Variants in ATAT1 observed in about 807,000 individuals in gnomAD.
ATAT1 encodes alpha-tubulin N-acetyltransferase 1.
ATAT1 carries 42 observed loss-of-function variants against 57.2 expected under a neutral mutation model. That is an observed-to-expected ratio of 0.73 (90% CI 0.57 to 0.95). ATAT1 has a LOEUF of 0.95. Ranked by LOEUF, ATAT1 falls within the 40% of genes least tolerant of loss-of-function variation. The probability of loss-of-function intolerance (pLI) is 0.00; values close to 1 mark genes in which losing one functional copy is unlikely to be tolerated. For synonymous variants in ATAT1, 168 were observed against 187.1 expected (o/e 0.90, Z 0.83); for missense variants, 454 against 523.7 (o/e 0.87, Z 1.30).
At chr6:30,643,286 G>C in intron 10 of ATAT1, 1 of 1,419,286 alleles carries the variant, frequency 7.0e-7, no homozygotes. Flanking sequence ...CATCGAGTTG[G>C]GGGAACAGAG....
Position 30,627,138 on chromosome 6 carries a change from A to G in ATAT1, c.-66A>G. 1 of 1,606,584 alleles carries G rather than the reference A, an allele frequency of 6.2e-7. No homozygotes were observed. The highest frequency in any genetic ancestry group is 8.5e-7 in the Non-Finnish European group (1 of 1,176,330). On this transcript the variant is annotated 5_prime_UTR_variant, in exon 1 of 13. Coordinates refer to ENST00000330083, the MANE Select transcript of ATAT1 (RefSeq NM_001031722.4). ...TTTGGTGACCTCTGACCCTGGGCCT[A>G]GTGGGATTGATCAGCGCTTGGATCT...
In ATAT1 at chr6:30,642,833, G is replaced by GGGGCCCCCCC; in HGVS notation, c.754_755insGGGCCCCCCC (p.Ala252GlyfsTer51). 7 of 1,537,866 alleles carry GGGGCCCCCCC rather than the reference G, an allele frequency of 4.6e-6. No homozygotes were observed. Among genetic ancestry groups the GGGGCCCCCCC allele is most frequent in the Admixed American group, 1.9e-5 (1 of 52,406 alleles). On this transcript the variant is annotated frameshift_variant, in exon 10 of 13. Coordinates refer to ENST00000330083, the MANE Select transcript of ATAT1 (RefSeq NM_001031722.4). LOFTEE classifies it high-confidence loss of function. ...GGCCCCTCGCCGCGCCACACCTCCA[G>GGGGCCCCCCC]CCCACCCACCCCCCCGCTCCAGCAG...
intron 8 of ATAT1, chr6:30,641,807 T>G: frequency 9.5e-7 from 1 of 1,056,288 alleles, no homozygotes; most frequent in Non-Finnish European, 1.1e-6. Flanking sequence ...GGGTCCTCGT[T>G]GGCCCGGCTG....
Position 30,627,619 on chromosome 6 carries a change from C to T in ATAT1, c.133-17C>T. The T allele has an allele frequency of 6.2e-7, 1 of 1,612,254 alleles. No homozygotes were observed. The highest frequency in any genetic ancestry group is 8.5e-7 in the Non-Finnish European group (1 of 1,179,308). On this transcript the variant is annotated splice_polypyrimidine_tract_variant and intron_variant, in intron 2 of 12. Transcript: ENST00000330083. ...TCGGAGAGACTTGCAGAAAGTCTGA[C>T]TTAATCTTCCCTGCAGGCCCAGAAT... is the stretch of plus-strand genomic sequence containing the variant.
intron 10 of ATAT1, chr6:30,644,154 C>A: frequency 2.0e-6 from 2 of 985,948 alleles, no homozygotes; most frequent in Non-Finnish European, 2.4e-6. Context: ...CTCTTCATTT[C>A]CACATTTTGT....
chr6:30,643,874 C>T, intron 10 of ATAT1: 1 of 1,260,168 alleles, frequency 7.9e-7, no homozygotes, highest in Non-Finnish European at 1.0e-6. Flanking sequence ...GAGAAGCACA[C>T]TCTTGCTTGC....
At chr6:30,639,534 T>C (rs1463387382) in intron 6 of ATAT1, among the ~76,000 whole-genome samples, 1 of 151,436 alleles carries the variant, frequency 6.6e-6, no homozygotes, top group Non-Finnish European at 1.5e-5. Context: ...TGGAGTGCAG[T>C]GGCACGATCT....
chr6:30,642,833 G>GGGCGCGGGCC lies in ATAT1; in HGVS notation c.754_755insGGCGCGGGCC (p.Ala252GlyfsTer51). ...GGCCCCTCGCCGCGCCACACCTCCAGCCCACCCACCCCCCCGCTCCAGCAG... is the reference window on the plus strand; with the variant it reads ...GGCCCCTCGCCGCGCCACACCTCCAGGGCGCGGGCCCCCACCCACCCCCCCGCTCCAGCAG... On this transcript the variant is annotated frameshift_variant, in exon 10 of 13. Transcript: ENST00000330083. LOFTEE classifies it high-confidence loss of function. The GGGCGCGGGCC allele has an allele frequency of 6.5e-7, 1 of 1,537,878 alleles. No homozygotes were observed. Among genetic ancestry groups the GGGCGCGGGCC allele is most frequent in the Non-Finnish European group, 8.7e-7 (1 of 1,145,784 alleles).
chr6:30,644,046 G>A (rs1582877243), intron 10 of ATAT1: 1 of 990,538 alleles, frequency 1.0e-6, no homozygotes, highest in Non-Finnish European at 1.2e-6. Context: ...TTGAGCCTGC[G>A]AATGGCCGCT....
At chr6:30,644,385 T>C in intron 10 of ATAT1, 5 of 985,716 alleles carry the variant, frequency 5.1e-6, no homozygotes, top group Non-Finnish European at 4.8e-6. Context: ...ATTGTCGAGA[T>C]GAGATGGGGG....
At chr6:30,636,035 G>A (rs567003757) in intron 6 of ATAT1, among the ~76,000 whole-genome samples, 21 of 152,264 alleles carry the variant, frequency 1.4e-4, no homozygotes, top group Non-Finnish European at 2.2e-4. Context: ...TTGAATGGGC[G>A]GCGGGGGCGT....
In ATAT1 at chr6:30,641,736, A is replaced by G. The variant is rs1360324902; in HGVS notation, c.617-440A>G. 3 of 986,902 alleles carry G rather than the reference A, an allele frequency of 3.0e-6. No homozygotes were observed. In the African/African-American group the frequency reaches 5.3e-5, roughly 17 times the overall value. The allele number at this position is 986,902 out of a possible 1,614,324, so 61.1% of individuals were successfully genotyped here. On this transcript the variant is annotated intron_variant, in intron 8 of 12. Transcript: ENST00000330083. ...GTGCCCTCCTTCCAAACCTCCCCTG[A>G]CCTCTCCAGAGCAATTCCTGATTAA...
At chr6:30,641,642 ATTTTC>A (rs1765473185) in intron 8 of ATAT1, 2 of 414,924 alleles carry the variant, frequency 4.8e-6, no homozygotes, top group African/African-American at 4.6e-5. Context: ...GCCCATATTT[ATTTTC>A]TTTTTTTTTT....
At chr6:30,637,273 T>C (rs1258122097) in intron 6 of ATAT1, among the ~76,000 whole-genome samples, 1 of 152,214 alleles carries the variant, frequency 6.6e-6, no homozygotes, top group African/African-American at 2.4e-5. Context: ...TAAACCTATT[T>C]TGGGTTTATA....
At chr6:30,642,705 T>C in intron 9 of ATAT1, 63 bp from the exon 10 acceptor site, 1 of 1,043,752 alleles carries the variant, frequency 9.6e-7, no homozygotes, top group South Asian at 1.3e-5. Flanking sequence ...AAACCTTTGC[T>C]GTCATGACTC....
At chr6:30,640,479 G>A in intron 7 of ATAT1, 56 bp from the exon 8 acceptor site, 1 of 1,612,626 alleles carries the variant, frequency 6.2e-7, no homozygotes, top group South Asian at 1.1e-5. Context: ...GAAAGAGCTG[G>A]ACTCTTGGTC....
intron 6 of ATAT1, among the ~76,000 whole-genome samples, chr6:30,634,774 G>A (rs1763694113): frequency 6.7e-6 from 1 of 150,374 alleles, no homozygotes; most frequent in South Asian, 2.1e-4. Context: ...GGATCACGAG[G>A]TCAGAAGATC....
Position 30,642,242 on chromosome 6 carries a change from G to C in ATAT1, c.683G>C (p.Arg228Pro). ...ATCAAGCCATACTCCTCTAGTGACC[G>C]AGAATGTAAGAGGGGCAAGGGTCGG... Residue 228 changes from arginine (R) to proline (P), a missense_variant, in exon 9 of 13, where the codon CGA becomes CCA. This residue lies in a region of ATAT1 where 236 missense variants were observed against 284.5 expected (regional missense o/e 0.83). Transcript: ENST00000330083. 6.2e-7 allele frequency: 1 copy of C among 1,614,116 alleles called. No individual in the cohort carries two copies. The highest frequency in any genetic ancestry group is 8.5e-7 in the Non-Finnish European group (1 of 1,180,008).
Position 30,628,012 on chromosome 6 carries a change from T to C in ATAT1, c.286-20T>C. ...AGAGATGCCGGGGTTCCTAAAACAT[T>C]TTTATTGTTTCTCTCTTAGGATGAT... On this transcript the variant is annotated intron_variant, in intron 4 of 12. Transcript: ENST00000330083. The C allele has an allele frequency of 6.2e-7, 1 of 1,612,090 alleles. No individual in the cohort carries two copies.
Sources: gnomAD v4.1 joint callset for allele counts (sites outside exome capture counted in the v4.1 genomes callset) on GRCh38, gnomAD v4.1.1 for gene constraint, gnomAD v4.1.1 regional missense constraint, MANE v1.5 for transcripts, NCBI Gene and HGNC (gene_info 2026-07-23, HGNC 2026-07-21) for gene names.